XYLT1: variants seen among roughly 807,000 people sequenced by gnomAD.
XYLT1 encodes the protein beta-D-xylosyltransferase 1.
In XYLT1, 36 loss-of-function variants were observed where a neutral mutation model predicts 91.3. The observed-to-expected ratio is 0.39, with a 90% CI of 0.30 to 0.52. XYLT1 has a LOEUF of 0.52. Ranked by LOEUF, XYLT1 falls within the 20% of genes least tolerant of loss-of-function variation. The pLI, the probability that XYLT1 is intolerant of heterozygous loss-of-function variation, is 0.68. For synonymous variants in XYLT1, 588 were observed against 532.0 expected, an observed-to-expected ratio of 1.11 and a Z score of -1.45; for missense variants, 1,242 against 1,284.5, an observed-to-expected ratio of 0.97 and a Z score of 0.51.
At chr16:17,145,576 CAGAA>C (rs1233617416) in intron 6 of XYLT1, among the ~76,000 whole-genome samples, 1 of 152,196 alleles carries the variant, frequency 6.6e-6, no homozygotes, top group African/African-American at 2.4e-5. Flanking sequence ...AAATAGGAGA[CAGAA>C]AGACACAGTG....
intron 5 of XYLT1, chr16:17,193,596 CG>C (rs139826206): frequency 6.6e-6 from 1 of 152,394 alleles, no homozygotes; most frequent in East Asian, 1.9e-4. Flanking sequence ...GTGGCTACGT[CG>C]GGCTGGCTGG....
chr16:17,271,076 C>T (rs1414981858), intron 2 of XYLT1, among the ~76,000 whole-genome samples: 3 of 152,194 alleles, frequency 2.0e-5, no homozygotes, highest in African/African-American at 7.2e-5. Context: ...GAAATGACAA[C>T]AACCATGTCT....
At chr16:17,130,058 G>A (rs1391142635) in intron 9 of XYLT1, among the ~76,000 whole-genome samples, 1 of 152,232 alleles carries the variant, frequency 6.6e-6, no homozygotes, top group African/African-American at 2.4e-5. Flanking sequence ...CACCATGAGA[G>A]CATGCCTGGG....
At chr16:17,209,866 T>A (rs924129491) in intron 3 of XYLT1, among the ~76,000 whole-genome samples, 3 of 152,226 alleles carry the variant, frequency 2.0e-5, no homozygotes, top group Non-Finnish European at 2.9e-5. Flanking sequence ...GACCTGATCC[T>A]GAGGACTATA....
chr16:17,343,816 T>C (rs2035101435), intron 2 of XYLT1, among the ~76,000 whole-genome samples: 1 of 152,198 alleles, frequency 6.6e-6, no homozygotes, highest in Non-Finnish European at 1.5e-5. Context: ...CGTTCTTCCG[T>C]ACCTCATCAC....
intron 1 of XYLT1, among the ~76,000 whole-genome samples, chr16:17,463,455 T>A (rs1267419493): frequency 6.6e-6 from 1 of 152,050 alleles, no homozygotes; most frequent in Admixed American, 6.5e-5. Context: ...GAATGGCCAA[T>A]GGATATATAA....
chr16:17,136,213 C>G (rs576797647), intron 8 of XYLT1, among the ~76,000 whole-genome samples: 10 of 152,274 alleles, frequency 6.6e-5, no homozygotes, highest in African/African-American at 2.4e-4. Flanking sequence ...AAACTGAGCT[C>G]AGAGAGGCAA....
At chr16:17,138,682 G>C in intron 7 of XYLT1, 151 bp from the exon 8 acceptor site, 1 of 823,100 alleles carries the variant, frequency 1.2e-6, no homozygotes, top group East Asian at 2.7e-5. Context: ...GCGGCTTCCT[G>C]TACAGCTTGC....
rs1190961984 is a variant in XYLT1 at position 17,442,653 on chromosome 16, G to A, written c.363+27781C>T. Among the ~76,000 whole-genome samples the A allele has an allele frequency of 2.6e-5, 4 of 152,086 alleles. No homozygotes were observed. In the East Asian group the frequency reaches 7.7e-4, roughly 29 times the overall value. On this transcript the variant is annotated intron_variant, in intron 1 of 11. Transcript: ENST00000261381. ...ATGAGCCCATGGATTCCCCCACCTT[G>A]AGAGAGGGGGCAAGGACCACCCCAG...
chr16:17,117,582 C>T (rs1966855002), intron 11 of XYLT1, 64 bp downstream of exon 11: 2 of 1,543,656 alleles, frequency 1.3e-6, no homozygotes, highest in Non-Finnish European at 1.8e-6. Flanking sequence ...CCTACCAACA[C>T]CAAAGACCCT....
At chr16:17,454,565 G>A (rs1180908022) in intron 1 of XYLT1, among the ~76,000 whole-genome samples, 1 of 148,644 alleles carries the variant, frequency 6.7e-6, no homozygotes, top group Non-Finnish European at 1.5e-5. Flanking sequence ...GAGATACAGT[G>A]TTACTCTGTC....
At chr16:17,336,641 C>T (rs1341557617) in intron 2 of XYLT1, among the ~76,000 whole-genome samples, 1 of 151,224 alleles carries the variant, frequency 6.6e-6, no homozygotes, top group Non-Finnish European at 1.5e-5. Context: ...CAAAGAGACA[C>T]ACATACCTTG....
chr16:17,292,104 A>G (rs1036401788), intron 2 of XYLT1, among the ~76,000 whole-genome samples: 145 of 145,922 alleles, frequency 9.9e-4, no homozygotes, highest in African/African-American at 3.4e-3. Context: ...ACACACACAC[A>G]CATATACACA....
intron 2 of XYLT1, among the ~76,000 whole-genome samples, chr16:17,307,310 C>T (rs371479822): frequency 1.3e-5 from 2 of 152,134 alleles, no homozygotes; most frequent in East Asian, 3.9e-4. Flanking sequence ...CTCCTGACCT[C>T]GTGATCGGCC....
chr16:17,115,289 G>T (rs1305469059), intron 11 of XYLT1, among the ~76,000 whole-genome samples: 1 of 109,922 alleles, frequency 9.1e-6, no homozygotes, highest in African/African-American at 3.5e-5. Context: ...GGACAACACA[G>T]ACCACACAAC....
At chr16:17,284,153 C>T (rs530214453) in intron 2 of XYLT1, among the ~76,000 whole-genome samples, 1 of 152,358 alleles carries the variant, frequency 6.6e-6, no homozygotes, top group East Asian at 1.9e-4. Context: ...TAGCACCTTC[C>T]TCCCTCAACA....
rs1261923752 is a variant in XYLT1, at chr16:17,127,734, C to A, written c.2155G>T (p.Val719Leu). Reference sequence around the variant, plus strand: ...ATCTTGAAGACTTTTTTCGGCATCACCCAGGTCTCCAGAGTCTCTAGTTTG... The same window carrying A: ...ATCTTGAAGACTTTTTTCGGCATCAACCAGGTCTCCAGAGTCTCTAGTTTG... ...VSKLETLETWVMPKKVFKIAS... is the reference protein window; with the variant it reads ...VSKLETLETWLMPKKVFKIAS... The change falls in exon 10 of 12, where the codon GTG (valine) becomes TTG (leucine). Residue 719 changes from valine (V) to leucine (L), a missense_variant. Transcript: ENST00000261381. The A allele has an allele frequency of 1.2e-6, 2 of 1,614,182 alleles. No individual in the cohort carries two copies. The highest frequency in any genetic ancestry group is 4.5e-5 in the East Asian group (2 of 44,882).
intron 6 of XYLT1, among the ~76,000 whole-genome samples, chr16:17,144,171 T>G (rs2031070027): frequency 6.6e-6 from 1 of 152,244 alleles, no homozygotes; most frequent in Non-Finnish European, 1.5e-5. Flanking sequence ...TCATGTGAGC[T>G]AGGGTTGTTC....
chr16:17,469,988 G>C (rs1391545522), intron 1 of XYLT1, among the ~76,000 whole-genome samples: 2 of 152,144 alleles, frequency 1.3e-5, no homozygotes, highest in Non-Finnish European at 1.5e-5. Context: ...GGGCTCAACT[G>C]TCTGCACCCA....
Sources: gnomAD v4.1 joint callset for allele counts (sites outside exome capture counted in the v4.1 genomes callset) on GRCh38, gnomAD v4.1.1 for gene constraint, MANE v1.5 for transcripts, NCBI Gene and HGNC (gene_info 2026-07-23, HGNC 2026-07-21) for gene names.